MTUS2: variants seen among roughly 807,000 people sequenced by gnomAD.
The protein encoded by MTUS2 is microtubule-associated tumor suppressor candidate 2.
Under a neutral mutation model 114.1 loss-of-function variants are expected in MTUS2, and 40 were observed. The ratio of observed to expected loss-of-function variants is 0.35; its 90% CI spans 0.27 to 0.46. MTUS2 has a LOEUF of 0.46. MTUS2 is among the 20% of genes least tolerant of loss of function. The pLI, the probability that MTUS2 is intolerant of heterozygous loss-of-function variation, is 1.00. For missense variants in MTUS2, 1,679 were observed against 1,705.4 expected (o/e 0.98, Z 0.27); for synonymous variants, 688 against 672.0 (o/e 1.02, Z -0.37).
chr13:29,290,237 T>C lies in MTUS2; in HGVS notation c.2806+8372T>C, dbSNP rs946604683. 5.9e-5 allele frequency among the ~76,000 whole-genome samples: 9 copies of C among 152,310 alleles called. No individual in the cohort carries two copies. The East Asian group carries it at 1.5e-3, about 26-fold the overall frequency. Reference sequence around the variant, plus strand: ...AGTTAAAAGGTAGCTCTTTCCTAGGTCATGTTCCCTTTAAGGTGGGAGTCC... The same window carrying C: ...AGTTAAAAGGTAGCTCTTTCCTAGGCCATGTTCCCTTTAAGGTGGGAGTCC... On this transcript the variant is annotated intron_variant, in intron 6 of 15. Transcript: ENST00000612955.
At chr13:28,870,197 T>G (rs1877538174) in intron 2 of MTUS2, among the ~76,000 whole-genome samples, 1 of 152,226 alleles carries the variant, frequency 6.6e-6, no homozygotes. Flanking sequence ...TCTGATTTCC[T>G]CATACATATT....
chr13:28,900,494 T>G (rs1330226199), intron 2 of MTUS2, among the ~76,000 whole-genome samples: 7 of 152,222 alleles, frequency 4.6e-5, no homozygotes, highest in African/African-American at 1.7e-4. Flanking sequence ...CTGTTCTCCA[T>G]TTTTATAATC....
At chr13:29,175,886 AAAG>A (rs1893751549) in intron 5 of MTUS2, among the ~76,000 whole-genome samples, 3 of 152,148 alleles carry the variant, frequency 2.0e-5, no homozygotes, top group Admixed American at 1.3e-4. Flanking sequence ...TTTAAACATT[AAAG>A]TACAACTGTA....
At chr13:28,844,581 T>TTG (rs1364137182) in intron 2 of MTUS2, among the ~76,000 whole-genome samples, 3 of 61,058 alleles carry the variant, frequency 4.9e-5, no homozygotes, top group East Asian at 5.3e-4. Context: ...TCTGCAGCAT[T>TTG]TGTGTGTGAG....
In MTUS2 at chr13:29,471,742, GC is replaced by G. The variant is rs559849711; in HGVS notation, c.3185-8400del. On this transcript the variant is annotated intron_variant, in intron 9 of 15. Transcript: ENST00000612955. Reference sequence around the variant, plus strand: ...CTCCAGCCTCTGCTCTGCAGGCCCAGCCCCCCCCGACACATTGATCTTAGGT... The same window carrying G: ...CTCCAGCCTCTGCTCTGCAGGCCCAGCCCCCCCGACACATTGATCTTAGGT... 1.1e-3 allele frequency among the ~76,000 whole-genome samples: 143 copies of G among 131,676 alleles called. 9 individuals are homozygous for G. In the South Asian group the frequency reaches 0.03, roughly 27 times the overall value. 86.4% of individuals were successfully genotyped at this position (131,676 alleles called of 152,430 possible).
chr13:29,435,550 A>T (rs1877341771), intron 8 of MTUS2, among the ~76,000 whole-genome samples: 1 of 152,190 alleles, frequency 6.6e-6, no homozygotes, highest in South Asian at 2.1e-4. Context: ...GCCTTGCAAG[A>T]TCACACTGGA....
intron 12 of MTUS2, among the ~76,000 whole-genome samples, chr13:29,495,009 AC>A (rs1211553273): frequency 1.3e-5 from 2 of 151,302 alleles, no homozygotes; most frequent in Non-Finnish European, 2.9e-5. Context: ...ACATGGTAAA[AC>A]CCTGTCTCTA....
chr13:29,438,023 A>G (rs1444417427), intron 8 of MTUS2, among the ~76,000 whole-genome samples: 1 of 152,174 alleles, frequency 6.6e-6, no homozygotes, highest in African/African-American at 2.4e-5. Flanking sequence ...AAAAGCACCT[A>G]TTATATATAG....
Position 29,243,169 on chromosome 13 carries a change from T to C in MTUS2, c.2645-38535T>C, listed in dbSNP as rs913015246. Among the ~76,000 whole-genome samples, 3 of 152,078 alleles carry C rather than the reference T, an allele frequency of 2.0e-5. No individual in the cohort carries two copies. The East Asian group carries it at 5.8e-4, about 29-fold the overall frequency. On this transcript the variant is annotated intron_variant, in intron 5 of 15. Transcript: ENST00000612955. ...CTAGAAATATAAATTGTCATTAGCATATAAGAGGAGTAAAGTCACAAGAAA... is the reference window on the plus strand; with the variant it reads ...CTAGAAATATAAATTGTCATTAGCACATAAGAGGAGTAAAGTCACAAGAAA...
chr13:29,325,277 G>A (rs940761885), intron 7 of MTUS2, among the ~76,000 whole-genome samples: 2 of 152,038 alleles, frequency 1.3e-5, no homozygotes, highest in East Asian at 1.9e-4. Context: ...CCAATATAGC[G>A]AAACCCTGTG....
intron 2 of MTUS2, among the ~76,000 whole-genome samples, chr13:28,951,032 A>G (rs1882783819): frequency 6.6e-6 from 1 of 152,200 alleles, no homozygotes; most frequent in Non-Finnish European, 1.5e-5. Context: ...TGATGCAATG[A>G]TCTTATATCT....
intron 4 of MTUS2, among the ~76,000 whole-genome samples, chr13:29,064,225 G>A (rs943755789): frequency 7.2e-5 from 11 of 152,098 alleles, no homozygotes; most frequent in Admixed American, 5.2e-4. Flanking sequence ...AGGTCCATGC[G>A]GAAGGAACAT....
chr13:28,894,819 G>A (rs910988885), intron 2 of MTUS2, among the ~76,000 whole-genome samples: 2 of 152,196 alleles, frequency 1.3e-5, no homozygotes, highest in Non-Finnish European at 2.9e-5. Flanking sequence ...CAGGGAAAAT[G>A]TATGCTCTAA....
At chr13:29,221,263 C>T (rs1486249188) in intron 5 of MTUS2, among the ~76,000 whole-genome samples, 1 of 152,216 alleles carries the variant, frequency 6.6e-6, no homozygotes, top group African/African-American at 2.4e-5. Context: ...ATTCCTGGGT[C>T]ATAGGGTTAG....
intron 2 of MTUS2, among the ~76,000 whole-genome samples, chr13:29,005,130 C>T (rs1001231713): frequency 6.6e-6 from 1 of 152,156 alleles, no homozygotes; most frequent in Non-Finnish European, 1.5e-5. Context: ...CCTACAACCC[C>T]GGCCACTTCT....
chr13:28,993,859 A>G (rs1382492553), intron 2 of MTUS2, among the ~76,000 whole-genome samples: 2 of 151,204 alleles, frequency 1.3e-5, no homozygotes, highest in South Asian at 4.2e-4. Context: ...TCTCATTTTC[A>G]TTTATGTATA....
At chr13:29,371,909 G>A (rs549680922) in intron 8 of MTUS2, among the ~76,000 whole-genome samples, 1 of 147,618 alleles carries the variant, frequency 6.8e-6, no homozygotes, top group Non-Finnish European at 1.5e-5. Flanking sequence ...GGTGATTACA[G>A]TTAATAATTC....
chr13:29,298,605 T>G (rs1411705389), intron 6 of MTUS2, among the ~76,000 whole-genome samples: 1 of 152,162 alleles, frequency 6.6e-6, no homozygotes, highest in Non-Finnish European at 1.5e-5. Flanking sequence ...ACATCTTTAG[T>G]GAAGAAAATG....
intron 7 of MTUS2, among the ~76,000 whole-genome samples, chr13:29,340,388 A>G (rs1901332525): frequency 6.6e-6 from 1 of 152,218 alleles, no homozygotes; most frequent in African/African-American, 2.4e-5. Flanking sequence ...GAAAATGAAC[A>G]CAATACACTT....
Sources: gnomAD v4.1 joint callset for allele counts (sites outside exome capture counted in the v4.1 genomes callset) on GRCh38, gnomAD v4.1.1 for gene constraint, MANE v1.5 for transcripts, NCBI Gene and HGNC (gene_info 2026-07-23, HGNC 2026-07-21) for gene names.